Variants in ST3GAL6 observed in about 807,000 individuals in gnomAD.
ST3GAL6 encodes type 2 lactosamine alpha-2,3-sialyltransferase.
A neutral mutation model predicts 40.5 loss-of-function variants in ST3GAL6; 31 were observed. The ratio of observed to expected loss-of-function variants is 0.77; its 90% CI spans 0.58 to 1.03. The LOEUF is 1.03. ST3GAL6 is among the 50% of genes least tolerant of loss of function. The pLI, the probability that ST3GAL6 is intolerant of heterozygous loss-of-function variation, is 0.00. For missense variants in ST3GAL6, 357 were observed against 393.2 expected (o/e 0.91, Z 0.78); for synonymous variants, 129 against 136.9 (o/e 0.94, Z 0.40).
At chr3:98,781,247 A>G (rs1940087484) in intron 5 of ST3GAL6, among the ~76,000 whole-genome samples, 2 of 152,144 alleles carry the variant, frequency 1.3e-5, no homozygotes, top group African/African-American at 4.8e-5. Flanking sequence ...CAAACACTGC[A>G]TGTTCTCACT....
rs79478101 is a variant in ST3GAL6 at position 98,751,433 on chromosome 3, C to T, written c.-11-16997C>T. Among the ~76,000 whole-genome samples the T allele has an allele frequency of 3.7e-4, 57 of 152,292 alleles. No individual in the cohort carries two copies. In the East Asian group the frequency reaches 9.6e-3, roughly 26 times the overall value. On this transcript the variant is annotated intron_variant, in intron 1 of 9. Transcript: ENST00000265261. ...CTCTAATAGTAGGCATTAAACAGCACTCCTTTGCTTTTCTCTTGATTTCTA... is the reference window on the plus strand; with the variant it reads ...CTCTAATAGTAGGCATTAAACAGCATTCCTTTGCTTTTCTCTTGATTTCTA...
intron 8 of ST3GAL6, among the ~76,000 whole-genome samples, 179 bp from the exon 9 acceptor site, chr3:98,791,662 T>G (rs1375569271): frequency 6.6e-6 from 1 of 152,254 alleles, no homozygotes; most frequent in Non-Finnish European, 1.5e-5. Context: ...ATATATTTTT[T>G]AGAGTTAAGG....
intron 1 of ST3GAL6, chr3:98,732,734 G>T: frequency 3.2e-6 from 3 of 932,750 alleles, no homozygotes; most frequent in Non-Finnish European, 4.5e-6. Context: ...GCGGGAGCCT[G>T]AGACTCCGGG....
chr3:98,733,780 T>C (rs1467691990), intron 1 of ST3GAL6, among the ~76,000 whole-genome samples: 1 of 152,114 alleles, frequency 6.6e-6, no homozygotes, highest in Non-Finnish European at 1.5e-5. Context: ...CCAAAGCACC[T>C]TCTTTTAGGA....
intron 1 of ST3GAL6, among the ~76,000 whole-genome samples, chr3:98,733,949 G>GT (rs1412878179): frequency 6.6e-6 from 1 of 152,132 alleles, no homozygotes; most frequent in Non-Finnish European, 1.5e-5. Flanking sequence ...GTCTAAAGTC[G>GT]TAAGTCCCAT....
chr3:98,792,410 T>C (rs527891863), intron 9 of ST3GAL6, among the ~76,000 whole-genome samples: 1 of 152,326 alleles, frequency 6.6e-6, no homozygotes, highest in Admixed American at 6.5e-5. Context: ...AGAATCTTCA[T>C]GATCAAAAAG....
intron 1 of ST3GAL6, among the ~76,000 whole-genome samples, chr3:98,742,627 A>C (rs1936187775): frequency 6.6e-6 from 1 of 152,064 alleles, no homozygotes; most frequent in Non-Finnish European, 1.5e-5. Flanking sequence ...TTGCCTATAG[A>C]AGTTGCCAAT....
intron 1 of ST3GAL6, among the ~76,000 whole-genome samples, chr3:98,733,985 C>T (rs139745694): frequency 3.9e-4 from 59 of 152,176 alleles, no homozygotes; most frequent in African/African-American, 1.3e-3. Context: ...CAGCTGGGTG[C>T]TGTGAGTAGG....
At chr3:98,783,504 T>G in intron 5 of ST3GAL6, 2 of 957,758 alleles carry the variant, frequency 2.1e-6, no homozygotes, top group Non-Finnish European at 2.5e-6. Context: ...ATCAGCCACA[T>G]TTGAACCAAA....
chr3:98,770,730 CT>C (rs768409244), intron 2 of ST3GAL6, 148 bp from the exon 3 acceptor site: 1 of 642,032 alleles, frequency 1.6e-6, no homozygotes, highest in Non-Finnish European at 2.8e-6. Context: ...GGAGAAGGTA[CT>C]GGCAGACCTC....
At chr3:98,779,587 G>A (rs1207266907) in intron 5 of ST3GAL6, among the ~76,000 whole-genome samples, 1 of 152,188 alleles carries the variant, frequency 6.6e-6, no homozygotes, top group African/African-American at 2.4e-5. Flanking sequence ...TATTGATTGT[G>A]TTTAATGTTT....
chr3:98,739,471 C>T (rs1309702462), intron 1 of ST3GAL6, among the ~76,000 whole-genome samples: 1 of 152,114 alleles, frequency 6.6e-6, no homozygotes, highest in Non-Finnish European at 1.5e-5. Flanking sequence ...ATGAAATCAC[C>T]TTTCCCATAC....
At chr3:98,757,981 C>T (rs1278419757) in intron 1 of ST3GAL6, among the ~76,000 whole-genome samples, 8 of 151,928 alleles carry the variant, frequency 5.3e-5, no homozygotes, top group African/African-American at 1.9e-4. Flanking sequence ...GGACTACAGG[C>T]GTGCACCACC....
At chr3:98,784,852 AT>A (rs1940534424) in intron 5 of ST3GAL6, 92 bp from the exon 6 acceptor site, 3 of 954,428 alleles carry the variant, frequency 3.1e-6, no homozygotes, top group South Asian at 1.5e-5. Context: ...AACAAGTGGA[AT>A]TTGGCACTGG....
chr3:98,740,955 C>A (rs535521867), intron 1 of ST3GAL6, among the ~76,000 whole-genome samples: 2 of 152,160 alleles, frequency 1.3e-5, no homozygotes, highest in East Asian at 3.9e-4. Flanking sequence ...TTTCTTTCAT[C>A]ATTCTTCAGC....
chr3:98,762,363 T>A (rs1937884234), upstream of ST3GAL6, among the ~76,000 whole-genome samples: 2 of 152,248 alleles, frequency 1.3e-5, no homozygotes, highest in South Asian at 4.1e-4. Flanking sequence ...TTCTGTTAAT[T>A]TACTCAGCAA....
intron 1 of ST3GAL6, among the ~76,000 whole-genome samples, chr3:98,749,060 G>A (rs576777961): frequency 6.6e-6 from 1 of 151,922 alleles, no homozygotes; most frequent in Non-Finnish European, 1.5e-5. Flanking sequence ...TTTCTTCTTC[G>A]CTGCTGTATC....
At chr3:98,732,874 C>A in intron 1 of ST3GAL6, 4 of 1,512,346 alleles carry the variant, frequency 2.6e-6, no homozygotes, top group Non-Finnish European at 3.5e-6. Context: ...ATGTGGCAGG[C>A]GCCGCGAGAG....
chr3:98,783,531 T>A (rs1940390995), intron 5 of ST3GAL6: 1 of 978,330 alleles, frequency 1.0e-6, no homozygotes, highest in South Asian at 4.7e-5. Context: ...ATAATATGTC[T>A]GACATTGATT....
Sources: allele counts gnomAD v4.1 joint callset (sites outside exome capture counted in the v4.1 genomes callset), GRCh38; gene constraint gnomAD v4.1.1; transcripts MANE v1.5; gene names NCBI Gene and HGNC (gene_info 2026-07-23, HGNC 2026-07-21).